FLT1: variants seen among roughly 807,000 people sequenced by gnomAD.
The protein encoded by FLT1 is vascular endothelial growth factor receptor 1.
A neutral mutation model predicts 156.3 loss-of-function variants in FLT1; 49 were observed. The ratio of observed to expected loss-of-function variants is 0.31; its 90% CI spans 0.25 to 0.40. FLT1 has a LOEUF of 0.40. Among genes scored for constraint, FLT1 ranks in the 10% least tolerant of loss-of-function variants. The pLI is 1.00. For synonymous variants in FLT1, 594 were observed against 583.8 expected (o/e 1.02, Z -0.25); for missense variants, 1,322 against 1,637.2 (o/e 0.81, Z 3.32).
chr13:28,319,216 T>TTCATGA (rs1391613785), intron 24 of FLT1, among the ~76,000 whole-genome samples: 1 of 152,206 alleles, frequency 6.6e-6, no homozygotes, highest in Non-Finnish European at 1.5e-5. Flanking sequence ...TCTGACCTTG[T>TTCATGA]TCATGATCAT....
In FLT1 at chr13:28,473,182, C is replaced by T. The variant is rs564357940; in HGVS notation, c.65-5565G>A. On this transcript the variant is annotated intron_variant, in intron 1 of 29. Transcript: ENST00000282397. ...TTTTAAACGGTGCAACCCACTTTGG[C>T]AAGCAGTATGGCAATTCCTCGATGG... Among the ~76,000 whole-genome samples, 6 of 152,248 alleles carry T rather than the reference C, an allele frequency of 3.9e-5. No homozygotes were observed. The South Asian group carries it at 1.2e-3, about 32-fold the overall frequency.
At chr13:28,304,140 A>G (rs566252619) in intron 29 of FLT1, among the ~76,000 whole-genome samples, 1 of 152,342 alleles carries the variant, frequency 6.6e-6, no homozygotes, top group East Asian at 1.9e-4. Context: ...TCCATGTTCT[A>G]TATTTTCAGT....
intron 13 of FLT1, 107 bp downstream of exon 13, chr13:28,389,689 T>C: frequency 6.3e-7 from 1 of 1,578,722 alleles, no homozygotes; most frequent in Non-Finnish European, 8.6e-7. Context: ...CTGTTACTTT[T>C]TAATGAGTCC....
At chr13:28,336,808 C>T (rs894362678) in intron 17 of FLT1, among the ~76,000 whole-genome samples, 5 of 139,368 alleles carry the variant, frequency 3.6e-5, no homozygotes, top group African/African-American at 1.1e-4. Context: ...AGTGCCGTGG[C>T]GTGATCTTGG....
chr13:28,409,923 T>C (rs1876046865), intron 10 of FLT1, among the ~76,000 whole-genome samples: 1 of 152,014 alleles, frequency 6.6e-6, no homozygotes, highest in African/African-American at 2.4e-5. Context: ...TTGCTAAACA[T>C]CTCTCATCTC....
intron 12 of FLT1, among the ~76,000 whole-genome samples, chr13:28,395,746 CTTGT>C (rs983781391): frequency 3.3e-5 from 5 of 152,238 alleles, no homozygotes; most frequent in Admixed American, 2.0e-4. Context: ...TTTGACATTT[CTTGT>C]TTGTTTCCTT....
intron 18 of FLT1, among the ~76,000 whole-genome samples, chr13:28,332,060 C>T (rs139163167): frequency 6.6e-6 from 1 of 151,458 alleles, no homozygotes; most frequent in East Asian, 1.9e-4. Flanking sequence ...ACTGTCTCTA[C>T]AAAAAAAAAT....
At chr13:28,338,974 C>T (rs915570277) in intron 17 of FLT1, among the ~76,000 whole-genome samples, 194 bp downstream of exon 17, 4 of 152,138 alleles carry the variant, frequency 2.6e-5, no homozygotes, top group African/African-American at 7.2e-5. Flanking sequence ...ACAGGTGCTG[C>T]GTGTCACCTT....
At chr13:28,308,813 T>A (rs1339755679) in intron 28 of FLT1, 30 bp downstream of exon 28, 3 of 1,355,656 alleles carry the variant, frequency 2.2e-6, no homozygotes, top group Non-Finnish European at 3.2e-6. Flanking sequence ...TCTATCGGGG[T>A]GCACTAGGTA....
At chr13:28,429,657 T>A (rs1350375534) in intron 8 of FLT1, among the ~76,000 whole-genome samples, 4 of 152,190 alleles carry the variant, frequency 2.6e-5, no homozygotes, top group Non-Finnish European at 4.4e-5. Flanking sequence ...AAAGAATTAT[T>A]TTCAGCATTC....
intron 3 of FLT1, among the ~76,000 whole-genome samples, chr13:28,447,527 T>C (rs966142382): frequency 6.6e-6 from 1 of 152,062 alleles, no homozygotes; most frequent in Non-Finnish European, 1.5e-5. Flanking sequence ...TAAATCTTCA[T>C]GATCTCAAAT....
intron 13 of FLT1, chr13:28,389,128 A>T (rs1406333709): frequency 9.4e-7 from 1 of 1,062,010 alleles, no homozygotes; most frequent in Non-Finnish European, 1.1e-6. Flanking sequence ...CTCCAGTTCA[A>T]GATAAATGTG....
At chr13:28,320,733 G>A (rs749682508) in intron 23 of FLT1, among the ~76,000 whole-genome samples, 14 of 152,134 alleles carry the variant, frequency 9.2e-5, no homozygotes, top group Non-Finnish European at 1.5e-4. Context: ...ACTCTGGGGG[G>A]TGGAAGGCTT....
Position 28,366,285 on chromosome 13 carries a change from G to A in FLT1, c.2117-8600C>T, listed in dbSNP as rs74043720. 1.8e-3 allele frequency among the ~76,000 whole-genome samples: 277 copies of A among 152,204 alleles called. 2 individuals are homozygous for A. Among genetic ancestry groups the A allele is most frequent in the African/African-American group, 6.4e-3 (264 of 41,528 alleles). On this transcript the variant is annotated intron_variant, in intron 14 of 29. Transcript: ENST00000282397. Reference sequence around the variant, plus strand: ...TACTAAGCAAGGACCTTCATGATCTGGCCCCTTCCTATCTTCCCAGCTTTG... The same window carrying A: ...TACTAAGCAAGGACCTTCATGATCTAGCCCCTTCCTATCTTCCCAGCTTTG...
At chr13:28,427,474 T>G (rs1348406887) in intron 9 of FLT1, among the ~76,000 whole-genome samples, 156 bp from the exon 10 acceptor site, 1 of 152,000 alleles carries the variant, frequency 6.6e-6, no homozygotes, top group Non-Finnish European at 1.5e-5. Context: ...GTCAAGAAAA[T>G]GCAGATTTTT....
chr13:28,395,647 T>C (rs1298613033), intron 12 of FLT1, among the ~76,000 whole-genome samples: 3 of 152,268 alleles, frequency 2.0e-5, no homozygotes, highest in Non-Finnish European at 4.4e-5. Flanking sequence ...GCTTATATTA[T>C]ATCTCTATTG....
chr13:28,387,527 TA>T (rs1874432143), intron 13 of FLT1: 2 of 1,062,138 alleles, frequency 1.9e-6, no homozygotes, highest in Non-Finnish European at 1.1e-6. Context: ...TGGTTATCAG[TA>T]GCCAAAGATA....
chr13:28,489,756 G>A (rs1480192791), intron 1 of FLT1, among the ~76,000 whole-genome samples: 2 of 152,130 alleles, frequency 1.3e-5, no homozygotes, highest in Non-Finnish European at 2.9e-5. Context: ...GGAGAGAAGT[G>A]GCGAAAGACA....
At chr13:28,380,115 A>T (rs1168571523) in intron 14 of FLT1, among the ~76,000 whole-genome samples, 1 of 152,168 alleles carries the variant, frequency 6.6e-6, no homozygotes, top group African/African-American at 2.4e-5. Flanking sequence ...CACACAGTTT[A>T]TTTTCAGGGT....
Sources: gnomAD v4.1 joint callset for allele counts (sites outside exome capture counted in the v4.1 genomes callset) on GRCh38, gnomAD v4.1.1 for gene constraint, MANE v1.5 for transcripts, NCBI Gene and HGNC (gene_info 2026-07-23, HGNC 2026-07-21) for gene names.